Variants in EPB41L3 observed in about 807,000 individuals in gnomAD.
EPB41L3 encodes the protein erythrocyte membrane protein band 4.1 like 3.
In EPB41L3, 57 loss-of-function variants were observed where a neutral mutation model predicts 127.1. The observed-to-expected ratio is 0.45, with a 90% CI of 0.36 to 0.56. The LOEUF (loss-of-function observed/expected upper bound fraction) is 0.56. Among genes scored for constraint, EPB41L3 ranks in the 20% least tolerant of loss-of-function variants. EPB41L3 has a pLI of 0.00. For missense variants in EPB41L3, 1,273 were observed against 1,372.2 expected (o/e 0.93, Z 1.14); for synonymous variants, 572 against 549.5 (o/e 1.04, Z -0.57).
intron 9 of EPB41L3, among the ~76,000 whole-genome samples, chr18:5,427,344 G>A (rs540851036): frequency 3.9e-5 from 6 of 152,144 alleles, no homozygotes; most frequent in Non-Finnish European, 7.4e-5. Context: ...AGAAATTTGA[G>A]GTATTTATTA....
At chr18:5,529,167 T>C (rs2093332672) in intron 1 of EPB41L3, among the ~76,000 whole-genome samples, 2 of 152,154 alleles carry the variant, frequency 1.3e-5, no homozygotes, top group African/African-American at 2.4e-5. Context: ...ATACTGCAAA[T>C]CTATGTTTAG....
chr18:5,503,756 T>A (rs2091936209), intron 1 of EPB41L3, among the ~76,000 whole-genome samples: 1 of 152,244 alleles, frequency 6.6e-6, no homozygotes, highest in Non-Finnish European at 1.5e-5. Flanking sequence ...ACAGCAATTT[T>A]AATGCTTTCT....
At chr18:5,503,573 G>A (rs751424422) in intron 1 of EPB41L3, among the ~76,000 whole-genome samples, 2 of 152,222 alleles carry the variant, frequency 1.3e-5, no homozygotes, top group Non-Finnish European at 2.9e-5. Context: ...CTTTTAATAA[G>A]CACACAGGTG....
At chr18:5,442,748 G>A (rs573993826) in intron 5 of EPB41L3, among the ~76,000 whole-genome samples, 4 of 152,146 alleles carry the variant, frequency 2.6e-5, no homozygotes, top group East Asian at 1.9e-4. Context: ...CCATGTTTGC[G>A]GCAAAAGTAA....
intron 3 of EPB41L3, among the ~76,000 whole-genome samples, chr18:5,445,727 G>A (rs1027890759): frequency 1.3e-5 from 2 of 152,202 alleles, no homozygotes; most frequent in Non-Finnish European, 2.9e-5. Context: ...GAAGAGGGCT[G>A]CACAGCAAGA....
intron 3 of EPB41L3, among the ~76,000 whole-genome samples, chr18:5,564,630 G>C (rs539938548): frequency 2.6e-5 from 4 of 152,100 alleles, no homozygotes; most frequent in Admixed American, 6.5e-5. Flanking sequence ...AAATCAGAAG[G>C]AAGATGAGCT....
At chr18:5,525,718 A>G (rs547899151) in intron 1 of EPB41L3, among the ~76,000 whole-genome samples, 1 of 152,366 alleles carries the variant, frequency 6.6e-6, no homozygotes, top group Admixed American at 6.5e-5. Context: ...ATTAACAAAT[A>G]TCTTCTCAGA....
chr18:5,426,981 A>G (rs1183374086), intron 9 of EPB41L3, among the ~76,000 whole-genome samples: 1 of 152,196 alleles, frequency 6.6e-6, no homozygotes, highest in African/African-American at 2.4e-5. Flanking sequence ...CATACTAAAC[A>G]TCATTACATG....
chr18:5,563,111 T>G (rs548449504), intron 3 of EPB41L3, among the ~76,000 whole-genome samples: 210 of 152,316 alleles, frequency 1.4e-3, no homozygotes, highest in Non-Finnish European at 1.4e-3. Flanking sequence ...GGGGAAGGGA[T>G]TCCAGACAGA....
chr18:5,433,437 A>G (rs760516754), intron 8 of EPB41L3, 32 bp downstream of exon 8: 1 of 1,463,684 alleles, frequency 6.8e-7, no homozygotes, highest in Admixed American at 1.7e-5. Context: ...ATAATATTAA[A>G]TTGAAAGTTT....
At chr18:5,574,722 A>G (rs1318677329) in intron 3 of EPB41L3, among the ~76,000 whole-genome samples, 1 of 152,180 alleles carries the variant, frequency 6.6e-6, no homozygotes, top group East Asian at 1.9e-4. Context: ...ATCACGTGTC[A>G]TCACAGTTTG....
At position 5,499,829 on chromosome 18, in the gene EPB41L3, G is replaced by GTGTGTATATATATA. The variant is rs563662904; in HGVS notation, c.-11-10636_-11-10635insTATATATATACACA. 5.0e-4 allele frequency among the ~76,000 whole-genome samples: 62 copies of GTGTGTATATATATA among 124,646 alleles called. 3 individuals carry two copies. Among genetic ancestry groups the GTGTGTATATATATA allele is most frequent in the African/African-American group, 1.2e-3 (38 of 32,196 alleles). The allele number at this position is 124,646 out of a possible 152,430, so 81.8% of individuals were successfully genotyped here. A position where few individuals can be genotyped will look rare whatever the true frequency, so the allele number is the denominator to read the frequency against. Reference sequence around the variant, plus strand: ...CCTACTACATACTTACTATGTGTGTGTATATATATATATATATATGGCATT... The same window carrying GTGTGTATATATATA: ...CCTACTACATACTTACTATGTGTGTGTGTGTATATATATATATATATATATATATATATGGCATT... On this transcript the variant is annotated intron_variant, in intron 1 of 22. Transcript: ENST00000341928.
chr18:5,602,880 G>C (rs963498532), intron 3 of EPB41L3, among the ~76,000 whole-genome samples: 4 of 152,190 alleles, frequency 2.6e-5, no homozygotes, highest in African/African-American at 9.7e-5. Context: ...GACTAAAATA[G>C]ATTTTAGAAT....
chr18:5,587,661 C>T (rs1439925250), intron 3 of EPB41L3, among the ~76,000 whole-genome samples: 1 of 152,130 alleles, frequency 6.6e-6, no homozygotes, highest in Non-Finnish European at 1.5e-5. Flanking sequence ...GCCCTTCATG[C>T]TTCTGTTACT....
chr18:5,407,615 A>C (rs1175996861), intron 15 of EPB41L3, 86 bp downstream of exon 15: 2 of 1,411,296 alleles, frequency 1.4e-6, no homozygotes, highest in African/African-American at 2.8e-5. Context: ...GCATGCTGAA[A>C]GATCTGAACG....
At chr18:5,599,519 T>C (rs555983926) in intron 3 of EPB41L3, among the ~76,000 whole-genome samples, 1 of 152,178 alleles carries the variant, frequency 6.6e-6, no homozygotes, top group Non-Finnish European at 1.5e-5. Context: ...TGGGGCCTGG[T>C]AGGAGGTGAC....
At chr18:5,565,306 T>A (rs2094184050) in intron 3 of EPB41L3, among the ~76,000 whole-genome samples, 1 of 151,330 alleles carries the variant, frequency 6.6e-6, no homozygotes, top group Non-Finnish European at 1.5e-5. Context: ...CAGATACTCG[T>A]GAGGCTGAGG....
upstream of EPB41L3, among the ~76,000 whole-genome samples, chr18:5,546,965 G>A (rs1219808843): frequency 1.3e-5 from 2 of 152,078 alleles, no homozygotes; most frequent in Non-Finnish European, 2.9e-5. Context: ...TCAGGGATTC[G>A]GCTTCCTCAT....
chr18:5,576,036 G>A lies in EPB41L3; in HGVS notation c.-306+36304C>T, dbSNP rs545595297. ...TTTGATTTTCAGTAATTTCTTACCA[G>A]TTTGCTGCTAAAAGGCATATTCTAT... On this transcript the variant is annotated intron_variant, in intron 3 of 21. Transcript: ENST00000545076. Among the ~76,000 whole-genome samples, 9 of 152,270 alleles carry A rather than the reference G, an allele frequency of 5.9e-5. No individual in the cohort carries two copies. In the East Asian group the frequency reaches 1.2e-3, roughly 20 times the overall value.
Sources: allele counts gnomAD v4.1 joint callset (sites outside exome capture counted in the v4.1 genomes callset), GRCh38; gene constraint gnomAD v4.1.1; transcripts MANE v1.5; gene names NCBI Gene and HGNC (gene_info 2026-07-23, HGNC 2026-07-21).